EVL: variants seen among roughly 807,000 people sequenced by gnomAD.
The protein encoded by EVL is ena/VASP-like protein.
EVL carries 21 observed loss-of-function variants against 59.6 expected under a neutral mutation model. The observed-to-expected ratio is 0.35, with a 90% CI of 0.25 to 0.51. The LOEUF (loss-of-function observed/expected upper bound fraction) is 0.51, where lower values mean the gene tolerates loss of function less well. EVL is among the 20% of genes least tolerant of loss of function. The pLI is 0.97. For synonymous variants in EVL, 198 were observed against 203.5 expected (o/e 0.97, Z 0.23); for missense variants, 462 against 546.6 (o/e 0.85, Z 1.54).
chr14:100,107,956 T>C, intron 3 of EVL: 1 of 152,342 alleles, frequency 6.6e-6, no homozygotes, highest in East Asian at 1.9e-4. Context: ...CCGGGCGAAT[T>C]AAAACACAGG....
At chr14:99,978,839 T>C (rs1049853978) in intron 1 of EVL, among the ~76,000 whole-genome samples, 15 of 152,348 alleles carry the variant, frequency 9.8e-5, no homozygotes, top group African/African-American at 3.6e-4. Context: ...ATATCCAAAC[T>C]GTGTTCCTTT....
At chr14:100,063,859 A>G (rs890425555), upstream of EVL, among the ~76,000 whole-genome samples, 1 of 152,258 alleles carries the variant, frequency 6.6e-6, no homozygotes, top group African/African-American at 2.4e-5. Flanking sequence ...CATACCAGGA[A>G]AAACAAAGGA....
chr14:100,034,425 A>G (rs2061358647), intron 1 of EVL, among the ~76,000 whole-genome samples: 1 of 152,108 alleles, frequency 6.6e-6, no homozygotes, highest in African/African-American at 2.4e-5. Context: ...ACTGCTTGCC[A>G]TAGTGGAAGG....
chr14:100,063,932 G>A (rs1212968799), upstream of EVL, among the ~76,000 whole-genome samples: 2 of 152,144 alleles, frequency 1.3e-5, no homozygotes, highest in Non-Finnish European at 2.9e-5. Context: ...GGTAGCAACA[G>A]ATATAGGAAA....
intron 1 of EVL, among the ~76,000 whole-genome samples, chr14:100,035,405 T>G (rs2061374106): frequency 6.6e-6 from 1 of 152,076 alleles, no homozygotes; most frequent in African/African-American, 2.4e-5. Flanking sequence ...TTTTTTTTTT[T>G]TAATAGGAAT....
At position 100,143,792 on chromosome 14, in the gene EVL, C is replaced by A; in HGVS notation, c.*54C>A. On this transcript the variant is annotated 3_prime_UTR_variant, in exon 14 of 14. Coordinates refer to ENST00000392920, the MANE Select transcript of EVL (RefSeq NM_016337.3). ...GAGCCCATCCGGCGACAGAGGACAG[C>A]CAGAAGCCCAGCCAGCCCCAGACTC... The A allele has an allele frequency of 6.3e-7, 1 of 1,589,150 alleles. No homozygotes were observed.
intron 1 of EVL, among the ~76,000 whole-genome samples, chr14:100,020,883 A>G: frequency 6.6e-6 from 1 of 152,240 alleles, no homozygotes; most frequent in African/African-American, 2.4e-5. Flanking sequence ...GTTTGCGACA[A>G]AGAAATTCTT....
In EVL at chr14:100,137,799, C is replaced by G; in HGVS notation, c.1091C>G (p.Ser364Cys). The G allele has an allele frequency of 6.2e-7, 1 of 1,614,118 alleles. No individual in the cohort carries two copies. The highest frequency in any genetic ancestry group is 8.5e-7 in the Non-Finnish European group (1 of 1,180,038). Residue 364 changes from serine to cysteine, a missense_variant, in exon 11 of 14, where the codon TCT (serine) becomes TGT (cysteine). Physicochemically the swap from Ser to Cys is moderately radical, Grantham distance 112 (BLOSUM62 -1). Transcript: ENST00000392920. ...AKSPLQSQPH[S>C]RMKPAGSVND... ...AGCCCCCTTCAGTCGCAGCCTCACT[C>G]TAGGTACCGAACAACCCTCCTGCTC...
rs1303444244 is a variant in EVL at position 99,977,547 on chromosome 14, C to T, written c.5+5490C>T. On this transcript the variant is annotated intron_variant, in intron 1 of 13. Transcript: ENST00000402714. ...CCGAGTAGCTGGGATTACAGACATC[C>T]GCCACTATGTGCGGCTAATACATCG... The T allele has an allele frequency of 3.9e-5, 6 of 152,180 alleles. No homozygotes were observed. The East Asian group carries it at 7.8e-4, about 20-fold the overall frequency. 9.4% of individuals were successfully genotyped at this position (152,180 alleles called of 1,614,324 possible).
At chr14:100,047,599 C>T (rs1373979453) in intron 1 of EVL, among the ~76,000 whole-genome samples, 1 of 152,200 alleles carries the variant, frequency 6.6e-6, no homozygotes, top group Non-Finnish European at 1.5e-5. Flanking sequence ...TCAAGGAATG[C>T]TTCCAGGTTG....
intron 3 of EVL, among the ~76,000 whole-genome samples, chr14:100,118,184 C>T (rs953994732): frequency 6.6e-6 from 1 of 152,174 alleles, no homozygotes; most frequent in Non-Finnish European, 1.5e-5. Context: ...ACCTGGGCCA[C>T]GCCTGACCGC....
intron 1 of EVL, among the ~76,000 whole-genome samples, chr14:100,003,321 A>G (rs558916796): frequency 2.0e-5 from 3 of 152,354 alleles, no homozygotes; most frequent in African/African-American, 4.8e-5. Context: ...TTTTAGACCC[A>G]GGAGTCAAAG....
chr14:100,021,374 G>A (rs1174015551), intron 1 of EVL, among the ~76,000 whole-genome samples: 2 of 152,156 alleles, frequency 1.3e-5, no homozygotes, highest in African/African-American at 4.8e-5. Context: ...ACAAAGGGGA[G>A]GGCTGTTACC....
At chr14:100,093,494 C>G (rs926593963) in intron 2 of EVL, among the ~76,000 whole-genome samples, 2 of 152,022 alleles carry the variant, frequency 1.3e-5, no homozygotes, top group Non-Finnish European at 2.9e-5. Context: ...AGTCATAGAC[C>G]GTTGGGGGCT....
chr14:100,047,114 CTCTCTTTTTTTT>C (rs1330234353), intron 1 of EVL, among the ~76,000 whole-genome samples: 19 of 95,110 alleles, frequency 2.0e-4, no homozygotes, highest in South Asian at 9.3e-4. Context: ...GCAGATCTCT[CTCTCTTTTTTTT>C]TTTTTTTTTT....
At chr14:100,070,317 T>C (rs2062023376) in intron 1 of EVL, among the ~76,000 whole-genome samples, 1 of 152,144 alleles carries the variant, frequency 6.6e-6, no homozygotes, top group Non-Finnish European at 1.5e-5. Context: ...CAGGTCACAT[T>C]GTTGTCACTT....
At chr14:100,015,389 G>T (rs1432002088) in intron 1 of EVL, among the ~76,000 whole-genome samples, 1 of 152,208 alleles carries the variant, frequency 6.6e-6, no homozygotes, top group Non-Finnish European at 1.5e-5. Flanking sequence ...TCATGTTTGT[G>T]TTTGTATCAG....
rs1342423249 is a variant in EVL, at chr14:100,109,547, C to T, written c.358+11889C>T. 2.1e-6 allele frequency: 1 copy of T among 472,610 alleles called. No individual in the cohort carries two copies. The highest frequency in any genetic ancestry group is 2.0e-5 in the African/African-American group (1 of 50,184). The allele number at this position is 472,610 out of a possible 1,614,324, so 29.3% of individuals were successfully genotyped here. A position where few individuals can be genotyped will look rare whatever the true frequency, so the allele number is the denominator to read the frequency against. ...GACTGAACAAGCTCCCAGCTTGCGC[C>T]CATGTCATATTGTGTGCCTCTCATA... On this transcript the variant is annotated intron_variant, in intron 3 of 13. Coordinates refer to ENST00000392920, the MANE Select transcript of EVL (RefSeq NM_016337.3). The surrounding 1 kb of genome is among the most constrained non-coding windows in gnomAD (Gnocchi z 4.3).
chr14:100,121,366 C>G (rs957534555), intron 3 of EVL, among the ~76,000 whole-genome samples: 1 of 152,196 alleles, frequency 6.6e-6, no homozygotes, highest in Non-Finnish European at 1.5e-5. Flanking sequence ...TCAGGTCTGT[C>G]ACAGTTACCC....
Sources: gnomAD v4.1 joint callset for allele counts (sites outside exome capture counted in the v4.1 genomes callset) on GRCh38, gnomAD v4.1.1 for gene constraint, Gnocchi (gnomAD v3.1) non-coding constraint, MANE v1.5 for transcripts, NCBI Gene and HGNC (gene_info 2026-07-23, HGNC 2026-07-21) for gene names.